Variants in CEACAM5 observed in about 807,000 individuals in gnomAD.
CEACAM5 encodes CEA cell adhesion molecule 5.
A neutral mutation model predicts 63.0 loss-of-function variants in CEACAM5; 52 were observed. That is an observed-to-expected ratio of 0.83 (90% CI 0.66 to 1.04). The LOEUF (loss-of-function observed/expected upper bound fraction) is 1.04. CEACAM5 is among the 50% of genes least tolerant of loss of function. The pLI, the probability that CEACAM5 is intolerant of heterozygous loss-of-function variation, is 0.00. For missense variants in CEACAM5, 790 were observed against 864.8 expected (o/e 0.91, Z 1.08); for synonymous variants, 357 against 351.3 (o/e 1.02, Z -0.18).
At chr19:41,715,320 AG>A (rs1382295401) in intron 3 of CEACAM5, 71 bp downstream of exon 3, 1 of 1,592,732 alleles carries the variant, frequency 6.3e-7, no homozygotes, top group Non-Finnish European at 8.6e-7. Context: ...AGGATTTCTC[AG>A]TCCCTCTCAG....
chr19:41,723,353 T>A (rs2072654392), intron 8 of CEACAM5, among the ~76,000 whole-genome samples: 1 of 152,220 alleles, frequency 6.6e-6, no homozygotes, highest in Non-Finnish European at 1.5e-5. Flanking sequence ...TTTGTGGCCA[T>A]CCTGATGTGT....
At position 41,715,853 on chromosome 19, in the gene CEACAM5, A is replaced by G; in HGVS notation, c.907A>G (p.Asn303Asp). ...TGGATCCTATACGTGCCAAGCCCAT[A>G]ACTCAGACACTGGCCTCAATAGGAC... Reference protein sequence around the residue: ...NSGSYTCQAHNSDTGLNRTTV... With the variant: ...NSGSYTCQAHDSDTGLNRTTV... Residue 303 changes from asparagine to aspartate, a missense_variant, in exon 4 of 10, where the codon AAC (asparagine) becomes GAC (aspartate). By Grantham distance (23) the Asn-to-Asp change is conservative. Transcript: ENST00000221992. 1 of 1,614,156 alleles carries G rather than the reference A, an allele frequency of 6.2e-7. No homozygotes were observed. Among genetic ancestry groups the G allele is most frequent in the Non-Finnish European group, 8.5e-7 (1 of 1,180,012 alleles).
Position 41,729,843 on chromosome 19 carries a change from G to A in CEACAM5, c.*696G>A, listed in dbSNP as rs2072747761. The A allele has an allele frequency of 6.6e-6, 1 of 151,914 alleles. No homozygotes were observed. The highest frequency in any genetic ancestry group is 6.6e-5 in the Admixed American group (1 of 15,252). 9.4% of individuals were successfully genotyped at this position (151,914 alleles called of 1,614,324 possible). A position where few individuals can be genotyped will look rare whatever the true frequency, so the allele number is the denominator to read the frequency against. On this transcript the variant is annotated 3_prime_UTR_variant, in exon 10 of 10. Transcript: ENST00000221992. ...TCCCTATGTGGTCGCTCCAGACTTG[G>A]GAAACTATTCATGAATATTTATATT...
chr19:41,714,467 C>T (rs1286643872), intron 2 of CEACAM5, among the ~76,000 whole-genome samples: 1 of 152,200 alleles, frequency 6.6e-6, no homozygotes, highest in African/African-American at 2.4e-5. Flanking sequence ...ACATCCAGTC[C>T]CAGGCCAGGC....
intron 8 of CEACAM5, among the ~76,000 whole-genome samples, chr19:41,726,785 T>C (rs954448039): frequency 2.0e-5 from 3 of 152,150 alleles, no homozygotes; most frequent in Non-Finnish European, 4.4e-5. Flanking sequence ...ATTCCCCTGG[T>C]GGGAGCCCAT....
At chr19:41,716,904 G>T (rs1241334192) in intron 4 of CEACAM5, among the ~76,000 whole-genome samples, 1 of 152,074 alleles carries the variant, frequency 6.6e-6, no homozygotes, top group Non-Finnish European at 1.5e-5. Flanking sequence ...CAAACTCCTG[G>T]GCAGAGCTGC....
chr19:41,730,419 CA>C lies in CEACAM5; in HGVS notation c.*1286del, dbSNP rs34510228. On this transcript the variant is annotated 3_prime_UTR_variant, in exon 10 of 10. Transcript: ENST00000221992. ...CCTGGGAGACAAAGTGAGACTCCGT[CA>C]AAAAAAAAAAAAAGTCTATGTGGTC... is the stretch of plus-strand genomic sequence containing the variant. 1.8e-3 allele frequency among the ~76,000 whole-genome samples: 242 copies of C among 131,070 alleles called. No individual in the cohort carries two copies. The highest frequency in any genetic ancestry group is 2.0e-3 in the Non-Finnish European group (124 of 60,608). The allele number at this position is 131,070 out of a possible 152,430, so 86.0% of individuals were successfully genotyped here.
intron 5 of CEACAM5, 99 bp downstream of exon 5, chr19:41,717,832 CTT>C: frequency 1.4e-6 from 2 of 1,441,994 alleles, no homozygotes. Context: ...AGGACAGAGA[CTT>C]TTACCCCTGG....
intron 3 of CEACAM5, 138 bp from the exon 4 acceptor site, chr19:41,715,512 T>G (rs1555814849): frequency 8.0e-7 from 1 of 1,247,052 alleles, no homozygotes; most frequent in Non-Finnish European, 1.2e-6. Flanking sequence ...AGACTCAGGC[T>G]CAGTAGATAC....
rs781846226 is a variant in CEACAM5 at position 41,708,781 on chromosome 19, G to C, written c.50G>C (p.Arg17Thr). 5.0e-6 allele frequency: 8 copies of C among 1,611,858 alleles called. No homozygotes were observed. In the Admixed American group the frequency reaches 8.4e-5, roughly 17 times the overall value. Residue 17 changes from arginine (R) to threonine (T), a missense_variant, in exon 1 of 10, where the codon AGG becomes ACG. Physicochemically the swap from Arg to Thr is moderately conservative, Grantham distance 71 (BLOSUM62 -1). Coordinates refer to ENST00000221992, the MANE Select transcript of CEACAM5 (RefSeq NM_004363.6). The part of the protein sequence containing the change: ...PPHRWCIPWQ[R>T]LLLTASLLTF... ...CACAGATGGTGCATCCCCTGGCAGA[G>C]GCTCCTGCTCACAGGTGAAGGGAGG...
At position 41,718,789 on chromosome 19, in the gene CEACAM5, C is replaced by T. The variant is rs556790585; in HGVS notation, c.1492+407C>T. 5.2e-5 allele frequency among the ~76,000 whole-genome samples: 8 copies of T among 152,386 alleles called. No individual in the cohort carries two copies. The East Asian group carries it at 9.6e-4, about 18-fold the overall frequency. On this transcript the variant is annotated intron_variant, in intron 6 of 9. Coordinates refer to ENST00000221992, the MANE Select transcript of CEACAM5 (RefSeq NM_004363.6). ...CAACTGAGGCTTTGAAACAAGCTCA[C>T]ACTTTTTCCCCAAATGAGAGGAGGA...
chr19:41,708,654 G>C lies in CEACAM5; in HGVS notation c.-78G>C, dbSNP rs1376135935. Reference sequence around the variant, plus strand: ...GGGAGGAAGGACAGCAGACCAGACAGTCACAGCAGCCTTGACAAAACGTTC... The same window carrying C: ...GGGAGGAAGGACAGCAGACCAGACACTCACAGCAGCCTTGACAAAACGTTC... On this transcript the variant is annotated 5_prime_UTR_variant, in exon 1 of 10. Transcript: ENST00000221992. The C allele has an allele frequency of 1.5e-6, 2 of 1,312,632 alleles. No homozygotes were observed. The highest frequency in any genetic ancestry group is 2.9e-5 in the African/African-American group (2 of 68,450). The allele number at this position is 1,312,632 out of a possible 1,614,324, so 81.3% of individuals were successfully genotyped here.
At chr19:41,715,536 C>T (rs1555814859) in intron 3 of CEACAM5, 114 bp from the exon 4 acceptor site, 1 of 1,409,900 alleles carries the variant, frequency 7.1e-7, no homozygotes, top group African/African-American at 1.4e-5. Flanking sequence ...AGGGGTTTGG[C>T]TGAGACTTTA....
At chr19:41,722,640 G>T (rs10405947) in intron 8 of CEACAM5, among the ~76,000 whole-genome samples, 5,102 of 152,122 alleles carry the variant, frequency 0.034, 294 homozygotes, top group African/African-American at 0.12. Context: ...TGTCTTCAAG[G>T]TTCATCCATT....
chr19:41,720,097 AG>A lies in CEACAM5; in HGVS notation c.1662del (p.Thr555ProfsTer23). On this transcript the variant is annotated frameshift_variant, in exon 7 of 10. Transcript: ENST00000221992. LOFTEE classifies it high-confidence loss of function. Reference protein sequence around the residue: ...SPRLQLSNGNRTLTLFNVTRN... With the variant: ...SPRLQLSNGNXTLTLFNVTRN... ...CAGGCTGCAGCTGTCCAATGGCAAC[AG>A]GACCCTCACTCTATTCAATGTCACA... 1 of 1,614,244 alleles carries A rather than the reference AG, an allele frequency of 6.2e-7. No individual in the cohort carries two copies. The highest frequency in any genetic ancestry group is 8.5e-7 in the Non-Finnish European group (1 of 1,180,050).
chr19:41,714,950 T>C, intron 2 of CEACAM5, 21 bp from the exon 3 acceptor site: 1 of 1,613,940 alleles, frequency 6.2e-7, no homozygotes, highest in Non-Finnish European at 8.5e-7. Context: ...CAGGGCAATC[T>C]TCTCTCTGTT....
At chr19:41,721,376 C>T (rs1291594126) in intron 8 of CEACAM5, among the ~76,000 whole-genome samples, 200 bp downstream of exon 8, 1 of 152,254 alleles carries the variant, frequency 6.6e-6, no homozygotes, top group Admixed American at 6.5e-5. Flanking sequence ...CGGCTGACCT[C>T]GGGTCCAGCC....
At position 41,730,378 on chromosome 19, in the gene CEACAM5, T is replaced by C. The variant is rs2122859839; in HGVS notation, c.*1231T>C. On this transcript the variant is annotated 3_prime_UTR_variant, in exon 10 of 10. Transcript: ENST00000221992. ...CAGGGCTTGCAGTGAGCCAAGATCA[T>C]GCCGCTGCACTCCAGCCTGGGAGAC... 6.8e-6 allele frequency among the ~76,000 whole-genome samples: 1 copy of C among 148,034 alleles called. No individual in the cohort carries two copies. Among genetic ancestry groups the C allele is most frequent in the South Asian group, 2.1e-4 (1 of 4,694 alleles).
rs1600453087 is a variant in CEACAM5, at chr19:41,710,233, T to G, written c.424+194T>G. 3.2e-6 allele frequency: 3 copies of G among 924,592 alleles called. No homozygotes were observed. The East Asian group carries it at 7.4e-5, about 23-fold the overall frequency. The allele number at this position is 924,592 out of a possible 1,614,324, so 57.3% of individuals were successfully genotyped here. On this transcript the variant is annotated intron_variant, in intron 2 of 9. Coordinates refer to ENST00000221992, the MANE Select transcript of CEACAM5 (RefSeq NM_004363.6). ...GAATTCCTTTCCGGCATCCAGACCC[T>G]GCAGACACTCACTGCAGAGGAAGGA...
Sources: gnomAD v4.1 joint callset for allele counts (sites outside exome capture counted in the v4.1 genomes callset) on GRCh38, gnomAD v4.1.1 for gene constraint, MANE v1.5 for transcripts, NCBI Gene and HGNC (gene_info 2026-07-23, HGNC 2026-07-21) for gene names.